The following XRN1 variants were observed in gnomAD, a reference collection of about 807,000 sequenced individuals.
XRN1 encodes the protein strand-exchange protein 1 homolog.
In XRN1, 67 loss-of-function variants were observed where a neutral mutation model predicts 222.3. That is an observed-to-expected ratio of 0.30 (90% CI 0.25 to 0.37). The LOEUF is 0.37. XRN1 is among the 10% of genes least tolerant of loss of function. The pLI is 1.00. For missense variants in XRN1, 1,707 were observed against 2,000.2 expected (o/e 0.85, Z 2.80); for synonymous variants, 643 against 652.4 (o/e 0.99, Z 0.22).
rs1301516237 is a variant in XRN1 at position 142,435,687 on chromosome 3, G to A, written c.76-2794C>T. 2.7e-5 allele frequency among the ~76,000 whole-genome samples: 4 copies of A among 150,774 alleles called. No individual in the cohort carries two copies. In the South Asian group the frequency reaches 8.4e-4, roughly 32 times the overall value. On this transcript the variant is annotated intron_variant, in intron 1 of 40. Transcript: ENST00000392981. The stretch of plus-strand genomic sequence containing the variant: ...CATGAGAATCGCTTGCACCTGGGAG[G>A]TGGAGGTTCCAGTGAGCTGAGATCA...
chr3:142,392,739 G>C (rs1219601825), intron 20 of XRN1, among the ~76,000 whole-genome samples: 3 of 151,760 alleles, frequency 2.0e-5, no homozygotes, highest in Non-Finnish European at 2.9e-5. Context: ...GGACATTTGG[G>C]TTGGTTCCAA....
In XRN1 at chr3:142,384,679, C is replaced by A; in HGVS notation, c.2346G>T (p.Leu782=). 6.3e-7 allele frequency: 1 copy of A among 1,584,290 alleles called. No homozygotes were observed. Among genetic ancestry groups the A allele is most frequent in the South Asian group, 1.2e-5 (1 of 85,292 alleles). Reference sequence around the variant, plus strand: ...CATTTATTATTATTCCTTTTCTTCTCAGGTAGCTAAAATAAAGAATAAACA... The same window carrying A: ...CATTTATTATTATTCCTTTTCTTCTAAGGTAGCTAAAATAAAGAATAAACA... ...KEVQGISEHY[L]RRKGIIINET... Residue 782 remains leucine (L), a synonymous_variant, in exon 21 of 41, where the codon CTG becomes CTT. Coordinates refer to ENST00000392981, the MANE Select transcript of XRN1 (RefSeq NM_001282857.2).
chr3:142,324,303 T>A (rs2065453598), intron 37 of XRN1, among the ~76,000 whole-genome samples: 1 of 139,422 alleles, frequency 7.2e-6, no homozygotes, highest in Admixed American at 7.5e-5. Flanking sequence ...TGTCCATGTG[T>A]TCTCACTGTT....
At chr3:142,363,870 T>C (rs1232561215) in intron 29 of XRN1, among the ~76,000 whole-genome samples, 1 of 152,144 alleles carries the variant, frequency 6.6e-6, no homozygotes, top group Non-Finnish European at 1.5e-5. Flanking sequence ...ACTGTATAAA[T>C]CAAAGCAACT....
At chr3:142,334,767 T>TACACAC (rs761753366) in intron 34 of XRN1, among the ~76,000 whole-genome samples, 1,115 of 90,384 alleles carry the variant, frequency 0.012, 19 homozygotes, top group African/African-American at 0.035. Flanking sequence ...TGTCTATGTA[T>TACACAC]ACACACACAC....
chr3:142,419,635 C>G (rs749842952), intron 10 of XRN1, among the ~76,000 whole-genome samples: 2 of 152,018 alleles, frequency 1.3e-5, no homozygotes, highest in Non-Finnish European at 2.9e-5. Flanking sequence ...ATAGTGAAAC[C>G]CCGTCTCTAC....
chr3:142,433,394 A>T (rs1247414148), intron 1 of XRN1, among the ~76,000 whole-genome samples: 4 of 152,216 alleles, frequency 2.6e-5, no homozygotes, highest in Admixed American at 2.0e-4. Context: ...ATTAATTTTT[A>T]AAATGTTAGA....
Position 142,311,645 on chromosome 3 carries a change from C to T in XRN1, c.4951G>A (p.Ala1651Thr). Residue 1651 changes from alanine (A) to threonine (T), a missense_variant, in exon 41 of 41, where the codon GCA (alanine) becomes ACA (threonine). Coordinates refer to ENST00000392981, the MANE Select transcript of XRN1 (RefSeq NM_001282857.2). Reference sequence around the variant, plus strand: ...GCAGTTTCAACTTGAAAAGAAGATGCAGGTTGAGCAATCGGAGAGGACTTC... The same window carrying T: ...GCAGTTTCAACTTGAAAAGAAGATGTAGGTTGAGCAATCGGAGAGGACTTC... ...SLKSSPIAQPASSFQVETASQ... is the reference protein window; with the variant it reads ...SLKSSPIAQPTSSFQVETASQ... The T allele has an allele frequency of 1.9e-6, 3 of 1,614,120 alleles. No homozygotes were observed. Among genetic ancestry groups the T allele is most frequent in the Non-Finnish European group, 2.5e-6 (3 of 1,180,006 alleles).
intron 1 of XRN1, among the ~76,000 whole-genome samples, chr3:142,433,746 A>G (rs2069732857): frequency 6.6e-6 from 1 of 152,238 alleles, no homozygotes; most frequent in Admixed American, 6.5e-5. Context: ...TCTGCCTTAC[A>G]TATTCATTAA....
At chr3:142,444,549 C>T (rs2070412218) in intron 1 of XRN1, among the ~76,000 whole-genome samples, 1 of 152,060 alleles carries the variant, frequency 6.6e-6, no homozygotes, top group South Asian at 2.1e-4. Context: ...GCAGGGGTTG[C>T]AGTGAGCCGA....
intron 25 of XRN1, among the ~76,000 whole-genome samples, chr3:142,373,805 C>G (rs1314780086): frequency 6.6e-6 from 1 of 151,844 alleles, no homozygotes; most frequent in East Asian, 1.9e-4. Context: ...GTGGTGAAAC[C>G]CCATCTCTAC....
chr3:142,334,765 T>TACACACAC (rs1491418734), intron 34 of XRN1, among the ~76,000 whole-genome samples: 3 of 114,142 alleles, frequency 2.6e-5, no homozygotes, highest in African/African-American at 1.3e-4. Flanking sequence ...TATGTCTATG[T>TACACACAC]ATACACACAC....
chr3:142,333,177 T>A lies in XRN1; in HGVS notation c.3940-88A>T. On this transcript the variant is annotated intron_variant, in intron 34 of 40. Coordinates refer to ENST00000392981, the MANE Select transcript of XRN1 (RefSeq NM_001282857.2). ...GAGTTTTATGTACAAAAATGGTCAT[T>A]CGATTTTCACTCAATCATCTTCCCA... The A allele has an allele frequency of 3.6e-6, 5 of 1,401,706 alleles. 1 individual carries two copies. The highest frequency in any genetic ancestry group is 2.9e-6 in the Non-Finnish European group (3 of 1,045,298). The allele number at this position is 1,401,706 out of a possible 1,614,324, so 86.8% of individuals were successfully genotyped here.
intron 10 of XRN1, chr3:142,420,380 T>A (rs1463757094): frequency 3.9e-5 from 6 of 152,336 alleles, no homozygotes; most frequent in Non-Finnish European, 5.9e-5. Context: ...TAATTGTTTT[T>A]CTTTTTTATG....
intron 39 of XRN1, among the ~76,000 whole-genome samples, chr3:142,314,949 CTG>C (rs1166681445): frequency 9.5e-6 from 1 of 104,938 alleles, no homozygotes; most frequent in East Asian, 3.4e-4. Context: ...AGTCTGTCGT[CTG>C]TTTTTTTTTT....
chr3:142,377,256 T>A (rs1353467484), intron 23 of XRN1, among the ~76,000 whole-genome samples: 1 of 151,910 alleles, frequency 6.6e-6, no homozygotes, highest in Non-Finnish European at 1.5e-5. Context: ...CATATAATAT[T>A]TAACCAGGAA....
intron 37 of XRN1, among the ~76,000 whole-genome samples, chr3:142,322,185 G>A (rs1337064342): frequency 1.3e-5 from 2 of 152,176 alleles, no homozygotes; most frequent in Non-Finnish European, 2.9e-5. Flanking sequence ...GACCCTTTCA[G>A]GGAGGCACTG....
At chr3:142,373,616 G>C (rs567217097) in intron 25 of XRN1, among the ~76,000 whole-genome samples, 1 of 152,268 alleles carries the variant, frequency 6.6e-6, no homozygotes, top group East Asian at 1.9e-4. Context: ...ATCACATACA[G>C]AAATTCAGAA....
intron 1 of XRN1, among the ~76,000 whole-genome samples, chr3:142,442,643 C>A (rs1408416268): frequency 2.6e-5 from 4 of 152,216 alleles, no homozygotes; most frequent in Non-Finnish European, 5.9e-5. Context: ...CAGGCCTTTT[C>A]AAAACTATCA....
Sources: allele counts gnomAD v4.1 joint callset (sites outside exome capture counted in the v4.1 genomes callset), GRCh38; gene constraint gnomAD v4.1.1; transcripts MANE v1.5; gene names NCBI Gene and HGNC (gene_info 2026-07-23, HGNC 2026-07-21).